Variants in DRC10 observed in about 807,000 individuals in gnomAD.
The protein encoded by DRC10 is IQ domain-containing protein D.
chr12:113,205,018 G>A, the DRC10 span, among the ~76,000 whole-genome samples: 1 of 151,930 alleles, frequency 6.6e-6, no homozygotes, highest in Admixed American at 6.6e-5. Flanking sequence ...TCATATCTTG[G>A]CTTCAATGTC....
At chr12:113,197,516 G>A in the DRC10 span, 1 of 1,474,896 alleles carries the variant, frequency 6.8e-7, no homozygotes, top group South Asian at 1.2e-5. Flanking sequence ...AAGCATGCGA[G>A]AGAGACTTAT....
chr12:113,195,843 G>A, the DRC10 span: 5 of 1,613,466 alleles, frequency 3.1e-6, no homozygotes, highest in South Asian at 1.1e-5. Context: ...CTCCTCCAGC[G>A]AGATCTTCTC....
chr12:113,208,209 G>T, the DRC10 span: 1 of 1,564,338 alleles, frequency 6.4e-7, no homozygotes, highest in South Asian at 1.2e-5. Flanking sequence ...CACAGAGATG[G>T]AGACTTCGGT....
chr12:113,209,055 C>T, the DRC10 span, among the ~76,000 whole-genome samples: 1 of 152,168 alleles, frequency 6.6e-6, no homozygotes, highest in African/African-American at 2.4e-5. Context: ...CCTCAGCCTC[C>T]TGAGCAGCTG....
chr12:113,200,524 A>AACCC, the DRC10 span: 1 of 563,956 alleles, frequency 1.8e-6, no homozygotes, highest in Non-Finnish European at 3.2e-6. Context: ...GAACAGTCCC[A>AACCC]CCCATCCCCC....
the DRC10 span, chr12:113,195,732 A>G: frequency 1.8e-5 from 29 of 1,613,632 alleles, no homozygotes; most frequent in East Asian, 5.8e-4. Flanking sequence ...TACCATGCGC[A>G]CCATCTCCTG....
the DRC10 span, chr12:113,195,748 C>G: frequency 6.2e-7 from 1 of 1,613,982 alleles, no homozygotes; most frequent in Non-Finnish European, 8.5e-7. Context: ...TCCTGCTCTG[C>G]CTCCATCCTT....
At chr12:113,209,001 G>A in the DRC10 span, among the ~76,000 whole-genome samples, 5 of 152,098 alleles carry the variant, frequency 3.3e-5, no homozygotes, top group South Asian at 4.1e-4. Context: ...CCATGATCTC[G>A]GCTCACTGCA....
the DRC10 span, among the ~76,000 whole-genome samples, chr12:113,198,361 C>T: frequency 5.9e-4 from 90 of 152,132 alleles, no homozygotes; most frequent in Admixed American, 5.2e-3. Flanking sequence ...AGGCTGTATT[C>T]TCAGGAAAGG....
chr12:113,205,401 C>T, the DRC10 span, among the ~76,000 whole-genome samples: 2 of 151,856 alleles, frequency 1.3e-5, no homozygotes, highest in African/African-American at 2.4e-5. Flanking sequence ...GGCATTGTGG[C>T]GGGCACCTGT....
the DRC10 span, among the ~76,000 whole-genome samples, chr12:113,220,843 G>A: frequency 6.6e-6 from 1 of 152,192 alleles, no homozygotes; most frequent in East Asian, 1.9e-4. Context: ...GGAGCGAAAG[G>A]TCCAGACTAA....
chr12:113,197,597 C>A, the DRC10 span: 12 of 1,530,486 alleles, frequency 7.8e-6, no homozygotes, highest in Admixed American at 2.2e-4. Context: ...ATTTCCGTTT[C>A]CACTTTATAT....
chr12:113,206,568 T>A, the DRC10 span, among the ~76,000 whole-genome samples: 1 of 152,148 alleles, frequency 6.6e-6, no homozygotes, highest in Non-Finnish European at 1.5e-5. Context: ...TGTGCTCTTG[T>A]GGCAAGACTG....
At chr12:113,219,337 A>G in the DRC10 span, among the ~76,000 whole-genome samples, 1 of 152,148 alleles carries the variant, frequency 6.6e-6, no homozygotes, top group Admixed American at 6.5e-5. Flanking sequence ...TGCCTGGCCT[A>G]TGTTTAACTT....
the DRC10 span, chr12:113,200,284 G>C: frequency 7.1e-6 from 4 of 562,606 alleles, no homozygotes; most frequent in Admixed American, 4.6e-5. Flanking sequence ...GGTCTCAGGA[G>C]TTGAGGAACT....
chr12:113,198,702 AGTG>A, the DRC10 span, among the ~76,000 whole-genome samples: 1 of 152,196 alleles, frequency 6.6e-6, no homozygotes, highest in Non-Finnish European at 1.5e-5. Context: ...ACTAGATAGA[AGTG>A]GTGGAAGTGG....
chr12:113,214,875 T>C, the DRC10 span, among the ~76,000 whole-genome samples: 1 of 151,898 alleles, frequency 6.6e-6, no homozygotes, highest in Non-Finnish European at 1.5e-5. Context: ...TCCTCCTCTC[T>C]TGTTCTTTTT....
the DRC10 span, chr12:113,221,084 A>C: frequency 2.3e-6 from 1 of 438,080 alleles, no homozygotes; most frequent in Non-Finnish European, 4.7e-6. Context: ...AGAAGGCGAG[A>C]CTCGGTGTCT....
chr12:113,208,396 A>T, the DRC10 span: 1 of 1,329,014 alleles, frequency 7.5e-7, no homozygotes, highest in Non-Finnish European at 9.6e-7. Flanking sequence ...CTTTCACTGG[A>T]AGCAGTTTTC....
Sources: gnomAD v4.1 joint callset for allele counts (sites outside exome capture counted in the v4.1 genomes callset) on GRCh38, gnomAD v4.1.1 for gene constraint, MANE v1.5 for transcripts, NCBI Gene and HGNC (gene_info 2026-07-23, HGNC 2026-07-21) for gene names.